The following SEZ6 variants were observed in gnomAD, a reference collection of about 807,000 sequenced individuals.
SEZ6 encodes the protein seizure protein 6 homolog.
SEZ6 carries 53 observed loss-of-function variants against 101.0 expected under a neutral mutation model. That is an observed-to-expected ratio of 0.52 (90% CI 0.42 to 0.66). The LOEUF (loss-of-function observed/expected upper bound fraction) is 0.66, where lower values mean the gene tolerates loss of function less well. Ranked by LOEUF, SEZ6 falls within the 30% of genes least tolerant of loss-of-function variation. The pLI is 0.00. For missense variants in SEZ6, 1,102 were observed against 1,289.4 expected (o/e 0.85, Z 2.23); for synonymous variants, 488 against 512.2 (o/e 0.95, Z 0.64).
At chr17:28,975,640 G>C (rs2041210963) in intron 3 of SEZ6, among the ~76,000 whole-genome samples, 1 of 152,196 alleles carries the variant, frequency 6.6e-6, no homozygotes, top group African/African-American at 2.4e-5. Context: ...AGCCTGCCTA[G>C]AGCCAGGAAA....
Position 28,964,115 on chromosome 17 carries a change from G to A in SEZ6, c.1087C>T (p.Pro363Ser). The change falls in exon 5 of 17, where the codon CCA becomes TCA. Residue 363 changes from proline (P) to serine (S), a missense_variant. Physicochemically the swap from Pro to Ser is moderately conservative, Grantham distance 74. Around this residue, in one of 3 missense-constraint regions of SEZ6, gnomAD observed 556 missense variants for 735.1 expected, o/e 0.76. Coordinates refer to ENST00000317338, the MANE Select transcript of SEZ6 (RefSeq NM_178860.5). ...GTGACAGTCACATCTCCATAAGCTGGACGACGGGGAAAGTGGCAGCTCAGG... is the reference window on the plus strand; with the variant it reads ...GTGACAGTCACATCTCCATAAGCTGAACGACGGGGAAAGTGGCAGCTCAGG... ...YLLSCHFPRR[P>S]AYGDVTVTSL... The A allele has an allele frequency of 6.3e-7, 1 of 1,599,788 alleles. No homozygotes were observed. Among genetic ancestry groups the A allele is most frequent in the Non-Finnish European group, 8.5e-7 (1 of 1,173,214 alleles).
In SEZ6 at chr17:28,981,950, CA is replaced by C; in HGVS notation, c.144del (p.Glu49SerfsTer16). ...AAGTGGACGCCTCGTTCTGGCTGCT[CA>C]GGTGTGGGGGCTGCTGTCAGCTCGC... The part of the protein sequence containing the change: ...TDGELTAAPT[P>X]EQPERGVHFV... On this transcript the variant is annotated frameshift_variant, in exon 2 of 17. Coordinates refer to ENST00000317338, the MANE Select transcript of SEZ6 (RefSeq NM_178860.5). LOFTEE classifies it high-confidence loss of function. 1 of 1,613,772 alleles carries C rather than the reference CA, an allele frequency of 6.2e-7. No individual in the cohort carries two copies. Among genetic ancestry groups the C allele is most frequent in the Non-Finnish European group, 8.5e-7 (1 of 1,179,872 alleles).
chr17:28,964,916 C>A (rs1463175533), intron 4 of SEZ6, among the ~76,000 whole-genome samples: 2 of 150,958 alleles, frequency 1.3e-5, no homozygotes, highest in Non-Finnish European at 2.9e-5. Flanking sequence ...ATTAGCCGGG[C>A]ATGGTGGCGC....
chr17:29,005,806 G>T lies in SEZ6; in HGVS notation c.55+9C>A, dbSNP rs1013703508. On this transcript the variant is annotated intron_variant, in intron 1 of 16. Transcript: ENST00000317338. This position sits in a 1 kb window ranked among gnomAD's most constrained non-coding sequence, Gnocchi z 4.8. ...CCCCGTCCTGCCGCCGGATGCCGGG[G>T]TCCCTTACCGTGAGCCAGGAGCGCC... 4.7e-5 allele frequency: 70 copies of T among 1,484,156 alleles called. No individual in the cohort carries two copies. The highest frequency in any genetic ancestry group is 6.1e-5 in the Non-Finnish European group (68 of 1,117,370). 91.9% of individuals were successfully genotyped at this position (1,484,156 alleles called of 1,614,324 possible).
At chr17:29,000,974 G>A (rs996317158) in intron 1 of SEZ6, among the ~76,000 whole-genome samples, 1 of 152,144 alleles carries the variant, frequency 6.6e-6, no homozygotes, top group African/African-American at 2.4e-5. Context: ...GCACTAAGGG[G>A]TGACTGGGGA....
At chr17:28,977,305 T>C (rs952168406) in intron 3 of SEZ6, among the ~76,000 whole-genome samples, 6 of 152,226 alleles carry the variant, frequency 3.9e-5, no homozygotes, top group Admixed American at 6.5e-5. Context: ...CTTCCCCAAA[T>C]TGGGTGCTGA....
At chr17:28,977,577 G>A (rs780636981) in intron 3 of SEZ6, among the ~76,000 whole-genome samples, 2 of 152,238 alleles carry the variant, frequency 1.3e-5, no homozygotes, top group Non-Finnish European at 2.9e-5. Context: ...TATGTGAGGG[G>A]TGGGCATCCA....
intron 1 of SEZ6, among the ~76,000 whole-genome samples, chr17:29,003,036 A>G (rs1414869633): frequency 6.6e-6 from 1 of 152,178 alleles, no homozygotes; most frequent in African/African-American, 2.4e-5. Context: ...GGCAGCCTCC[A>G]TTCCTGAGAC....
chr17:28,987,457 G>A (rs896731537), intron 1 of SEZ6, among the ~76,000 whole-genome samples: 6 of 152,126 alleles, frequency 3.9e-5, no homozygotes, highest in Admixed American at 1.3e-4. Flanking sequence ...AATTCCATGC[G>A]CAACTGAAAT....
chr17:29,000,441 T>TGAA (rs2041600914), intron 1 of SEZ6, among the ~76,000 whole-genome samples: 2 of 152,210 alleles, frequency 1.3e-5, no homozygotes, highest in Admixed American at 1.3e-4. Flanking sequence ...GCTTGACCAG[T>TGAA]GAAGGCTGGG....
chr17:28,958,867 G>A (rs2040926541), intron 10 of SEZ6, among the ~76,000 whole-genome samples, 158 bp downstream of exon 10: 1 of 152,104 alleles, frequency 6.6e-6, no homozygotes, highest in South Asian at 2.1e-4. Context: ...CTCTCCCTCA[G>A]GGCAGATGGA....
At chr17:28,973,669 G>A (rs1007886817) in intron 3 of SEZ6, among the ~76,000 whole-genome samples, 2 of 152,226 alleles carry the variant, frequency 1.3e-5, no homozygotes, top group African/African-American at 2.4e-5. Context: ...GCAGTGGCTG[G>A]AATGTAATTT....
At chr17:28,987,406 A>G (rs2041398962) in intron 1 of SEZ6, among the ~76,000 whole-genome samples, 1 of 152,162 alleles carries the variant, frequency 6.6e-6, no homozygotes. Flanking sequence ...GCAGGGCTAT[A>G]TAGGGCCGCT....
intron 1 of SEZ6, among the ~76,000 whole-genome samples, chr17:28,997,863 T>C (rs898944087): frequency 6.6e-6 from 1 of 152,176 alleles, no homozygotes; most frequent in Non-Finnish European, 1.5e-5. Flanking sequence ...GTGTCCTGAC[T>C]CCCTGACCAG....
At chr17:28,958,834 C>T (rs764574224) in intron 10 of SEZ6, among the ~76,000 whole-genome samples, 191 bp downstream of exon 10, 5 of 152,134 alleles carry the variant, frequency 3.3e-5, no homozygotes, top group Non-Finnish European at 7.3e-5. Flanking sequence ...ACCCAAACCC[C>T]TCTTGCCACT....
In SEZ6 at chr17:28,960,688, G is replaced by A. The variant is rs752504440; in HGVS notation, c.1410-17C>T. The A allele has an allele frequency of 9.9e-6, 16 of 1,611,128 alleles. No individual in the cohort carries two copies. In the South Asian group the frequency reaches 1.7e-4, roughly 17 times the overall value. ...ATGATGAGCCTGAACCAGGAGAGTG[G>A]CAGCTATGTAGGCTGGTGGCTGACC... is the stretch of plus-strand genomic sequence containing the variant. On this transcript the variant is annotated splice_polypyrimidine_tract_variant and intron_variant, in intron 6 of 16. Coordinates refer to ENST00000317338, the MANE Select transcript of SEZ6 (RefSeq NM_178860.5).
At chr17:28,966,319 C>CAA (rs35028548) in intron 4 of SEZ6, among the ~76,000 whole-genome samples, 16,638 of 127,182 alleles carry the variant, frequency 0.13, 1,013 homozygotes, top group Middle Eastern at 0.17. Flanking sequence ...ACTAAAAATA[C>CAA]AAAAAAAAAA....
chr17:28,981,725 G>C lies in SEZ6; in HGVS notation c.370C>G (p.Pro124Ala). Residue 124 changes from proline (P) to alanine (A), a missense_variant, in exon 2 of 17, where the codon CCA (proline) becomes GCA (alanine). Coordinates refer to ENST00000317338, the MANE Select transcript of SEZ6 (RefSeq NM_178860.5). ...TGAGTGGGTACCGCAGCCATGGCTGGAGTGGGGCTGGTAAAGACAGGGCGG... is the reference window on the plus strand; with the variant it reads ...TGAGTGGGTACCGCAGCCATGGCTGCAGTGGGGCTGGTAAAGACAGGGCGG... ...DSRPVFTSPT[P>A]AMAAVPTQPQ... The C allele has an allele frequency of 1.2e-6, 2 of 1,600,982 alleles. No homozygotes were observed. Among genetic ancestry groups the C allele is most frequent in the Non-Finnish European group, 1.7e-6 (2 of 1,170,434 alleles).
intron 3 of SEZ6, among the ~76,000 whole-genome samples, chr17:28,977,397 G>A (rs2041235405): frequency 6.6e-6 from 1 of 152,240 alleles, no homozygotes; most frequent in South Asian, 2.1e-4. Context: ...GTGTCCCCAA[G>A]GACCCTGCCC....
Sources: gnomAD v4.1 joint callset for allele counts (sites outside exome capture counted in the v4.1 genomes callset) on GRCh38, gnomAD v4.1.1 for gene constraint, gnomAD v4.1.1 regional missense constraint, Gnocchi (gnomAD v3.1) non-coding constraint, MANE v1.5 for transcripts, NCBI Gene and HGNC (gene_info 2026-07-23, HGNC 2026-07-21) for gene names.